PHACTR4: variants seen among roughly 807,000 people sequenced by gnomAD.
The protein encoded by PHACTR4 is phosphatase and actin regulator 4.
PHACTR4 carries 51 observed loss-of-function variants against 72.7 expected under a neutral mutation model. The observed-to-expected ratio is 0.70, with a 90% confidence interval of 0.56 to 0.89. PHACTR4 has a LOEUF of 0.89. Among genes scored for constraint, PHACTR4 ranks in the 40% least tolerant of loss-of-function variants. The probability of loss-of-function intolerance (pLI) is 0.00; values close to 1 mark genes in which losing one functional copy is unlikely to be tolerated. For synonymous variants in PHACTR4, 255 were observed against 302.5 expected (o/e 0.84, Z 1.63); for missense variants, 731 against 861.8 (o/e 0.85, Z 1.90).
chr1:28,471,424 T>A (rs539854193), intron 6 of PHACTR4, among the ~76,000 whole-genome samples: 2 of 152,348 alleles, frequency 1.3e-5, no homozygotes, highest in South Asian at 4.1e-4. Flanking sequence ...AATACAGTTT[T>A]ATTTAAGGGA....
chr1:28,431,948 C>T (rs1245692675), intron 2 of PHACTR4, among the ~76,000 whole-genome samples: 3 of 152,118 alleles, frequency 2.0e-5, no homozygotes, highest in African/African-American at 2.4e-5. Flanking sequence ...CAGTGGCTCA[C>T]GCCTGTAATC....
chr1:28,446,300 T>G (rs1004899180), intron 2 of PHACTR4, among the ~76,000 whole-genome samples: 4 of 152,170 alleles, frequency 2.6e-5, no homozygotes, highest in Non-Finnish European at 5.9e-5. Context: ...CAGTGGATTT[T>G]CTAAATAGGC....
At chr1:28,410,053 G>A (rs941503544) in intron 2 of PHACTR4, among the ~76,000 whole-genome samples, 1 of 132,694 alleles carries the variant, frequency 7.5e-6, no homozygotes, top group Non-Finnish European at 1.5e-5. Flanking sequence ...TGCAATCTCC[G>A]CCTCCCGAGT....
chr1:28,404,276 CTTTTTTTTT>C (rs58454588), intron 1 of PHACTR4, among the ~76,000 whole-genome samples: 1 of 101,412 alleles, frequency 9.9e-6, no homozygotes, highest in Admixed American at 1.1e-4. Context: ...TATGAACATC[CTTTTTTTTT>C]TTTTTTTTTT....
chr1:28,460,936 G>A (rs1338429429), intron 4 of PHACTR4, among the ~76,000 whole-genome samples: 3 of 151,960 alleles, frequency 2.0e-5, no homozygotes, highest in Admixed American at 6.6e-5. Context: ...GAGCCACCGC[G>A]CCCAGCTCAT....
intron 1 of PHACTR4, among the ~76,000 whole-genome samples, chr1:28,380,099 C>T (rs1467152433): frequency 7.0e-6 from 1 of 142,998 alleles, no homozygotes. Context: ...CTCTGTCGCC[C>T]AGGCTGGAGT....
chr1:28,417,925 C>T (rs1347549445), intron 2 of PHACTR4, among the ~76,000 whole-genome samples: 1 of 143,686 alleles, frequency 7.0e-6, no homozygotes, highest in Non-Finnish European at 1.5e-5. Context: ...CAAGAACAGC[C>T]TAGGCAACAT....
chr1:28,415,756 A>G (rs1441748121), intron 2 of PHACTR4, among the ~76,000 whole-genome samples: 4 of 152,226 alleles, frequency 2.6e-5, no homozygotes, highest in Non-Finnish European at 5.9e-5. Context: ...CTAGTTGCAA[A>G]GGCTTTATTC....
Position 28,476,259 on chromosome 1 carries a change from G to A in PHACTR4, c.1574G>A (p.Arg525Gln), listed in dbSNP as rs779608236. 29 of 1,606,020 alleles carry A rather than the reference G, an allele frequency of 1.8e-5. No homozygotes were observed. Among genetic ancestry groups the A allele is most frequent in the Non-Finnish European group, 2.2e-5 (26 of 1,177,742 alleles). The change falls in exon 8 of 14, where the codon CGA (arginine) becomes CAA (glutamine). Residue 525 changes from arginine to glutamine, a missense_variant. By Grantham distance (43) the Arg-to-Gln change is conservative (BLOSUM62 1). Transcript: ENST00000373839. ...DSDSEGPIQY[R>Q]DEEDEDESYQ... is the part of the protein sequence containing the mutation. ...GATTCAGAAGGTCCCATTCAGTACC[G>A]AGATGAAGAAGATGAAGATGAAAGC...
At chr1:28,402,723 G>A (rs12135748) in intron 1 of PHACTR4, among the ~76,000 whole-genome samples, 58,597 of 152,016 alleles carry the variant, frequency 0.39, 13,001 homozygotes, top group African/African-American at 0.6. Context: ...TTGCACAGGT[G>A]TCCAGTTAGT....
In PHACTR4 at chr1:28,453,957, C is replaced by T. The variant is rs543546884; in HGVS notation, c.17-5128C>T. ...ACGGCCAGGCACGGTGGCACACGCC[C>T]GTAATCTTAGCACTTTGGAAGGCCA... On this transcript the variant is annotated intron_variant, in intron 2 of 13. Coordinates refer to ENST00000373839, the MANE Select transcript of PHACTR4 (RefSeq NM_001048183.3). 1.6e-4 allele frequency: 94 copies of T among 590,506 alleles called. 1 individual carries two copies. Among genetic ancestry groups the T allele is most frequent in the South Asian group, 5.0e-4 (34 of 67,606 alleles). 36.6% of individuals were successfully genotyped at this position (590,506 alleles called of 1,614,324 possible).
chr1:28,407,274 A>G (rs1303826715), intron 1 of PHACTR4, 136 bp from the exon 2 acceptor site: 2 of 405,284 alleles, frequency 4.9e-6, no homozygotes, highest in African/African-American at 4.2e-5. Flanking sequence ...ACTATCATTT[A>G]ATAAGTTGTA....
At chr1:28,446,937 G>T (rs1208375067) in intron 2 of PHACTR4, among the ~76,000 whole-genome samples, 3 of 152,140 alleles carry the variant, frequency 2.0e-5, no homozygotes, top group African/African-American at 7.2e-5. Flanking sequence ...TTCCTATACA[G>T]ACTGCAGAAA....
At chr1:28,416,903 T>C (rs962864566) in intron 2 of PHACTR4, among the ~76,000 whole-genome samples, 1 of 152,220 alleles carries the variant, frequency 6.6e-6, no homozygotes, top group Non-Finnish European at 1.5e-5. Flanking sequence ...AAGATTAGGT[T>C]TTATTTTAAG....
chr1:28,376,216 G>A (rs1651653950), intron 1 of PHACTR4, among the ~76,000 whole-genome samples: 3 of 151,442 alleles, frequency 2.0e-5, no homozygotes, highest in Non-Finnish European at 4.4e-5. Flanking sequence ...AGGAGGCTGA[G>A]GCACAGGAAT....
At chr1:28,409,951 A>ATTTTTTTTTTTTTTTT (rs57186471) in intron 2 of PHACTR4, among the ~76,000 whole-genome samples, 1 of 66,364 alleles carries the variant, frequency 1.5e-5, no homozygotes, top group Non-Finnish European at 2.6e-5. Context: ...TTCTTCATAA[A>ATTTTTTTTTTTTTTTT]TTTTTTTTTT....
chr1:28,482,219 T>C (rs948490197), intron 9 of PHACTR4, among the ~76,000 whole-genome samples: 1 of 152,108 alleles, frequency 6.6e-6, no homozygotes, highest in South Asian at 2.1e-4. Context: ...CTTTAAACCA[T>C]GAGATAGACA....
At position 28,459,395 on chromosome 1, in the gene PHACTR4, CTTTTTTTTTTTT is replaced by C. The variant is rs367934288; in HGVS notation, c.190+147_190+158del. On this transcript the variant is annotated intron_variant, in intron 3 of 13. Coordinates refer to ENST00000373839, the MANE Select transcript of PHACTR4 (RefSeq NM_001048183.3). ...TTTAATGTTTTATTCTTTCCTTCTT[CTTTTTTTTTTTT>C]TTTTTTTTTGGTGAGACAGGATCTC... The C allele has an allele frequency of 1.4e-5, 4 of 282,688 alleles. No individual in the cohort carries two copies. The East Asian group carries it at 3.4e-4, about 24-fold the overall frequency. The allele number at this position is 282,688 out of a possible 1,614,324, so 17.5% of individuals were successfully genotyped here.
intron 8 of PHACTR4, among the ~76,000 whole-genome samples, chr1:28,479,373 C>G (rs1223420650): frequency 6.8e-6 from 1 of 146,566 alleles, no homozygotes; most frequent in Non-Finnish European, 1.5e-5. Flanking sequence ...TGAGCCAAGA[C>G]TGTGCCACTA....
Sources: gnomAD v4.1 joint callset for allele counts (sites outside exome capture counted in the v4.1 genomes callset) on GRCh38, gnomAD v4.1.1 for gene constraint, MANE v1.5 for transcripts, NCBI Gene and HGNC (gene_info 2026-07-23, HGNC 2026-07-21) for gene names.